Variants in NLRP5 observed in about 807,000 individuals in gnomAD.
NLRP5 encodes NACHT, LRR and PYD domains-containing protein 5.
In NLRP5, 93 loss-of-function variants were observed where a neutral mutation model predicts 113.1. That is an observed-to-expected ratio of 0.82 (90% CI 0.70 to 0.98). NLRP5 has a LOEUF of 0.98. Among genes scored for constraint, NLRP5 ranks in the 50% least tolerant of loss-of-function variants. NLRP5 has a pLI of 0.00. For missense variants in NLRP5, 1,808 were observed against 1,514.3 expected, an observed-to-expected ratio of 1.19 and a Z score of -3.22; for synonymous variants, 751 against 600.7, an observed-to-expected ratio of 1.25 and a Z score of -3.66.
At position 56,027,426 on chromosome 19, in the gene NLRP5, T is replaced by C. The variant is rs761687521; in HGVS notation, c.1193T>C (p.Val398Ala). ...CTCATACGCAGTCTGCTGAGGAAGG[T>C]CCTGCTCCCTGAGTCCTTCCTGATC... is the stretch of plus-strand genomic sequence containing the variant. The change falls in exon 7 of 15, where the codon GTC becomes GCC. Residue 398 changes from valine to alanine, a missense_variant. By Grantham distance (64) the Val-to-Ala change is moderately conservative. Coordinates refer to ENST00000390649, the MANE Select transcript of NLRP5 (RefSeq NM_153447.4). 3 of 1,613,496 alleles carry C rather than the reference T, an allele frequency of 1.9e-6. No homozygotes were observed. The highest frequency in any genetic ancestry group is 8.5e-7 in the Non-Finnish European group (1 of 1,179,716).
the NLRP5 span, among the ~76,000 whole-genome samples, chr19:55,993,258 C>G: frequency 4.6e-5 from 7 of 151,566 alleles, no homozygotes; most frequent in African/African-American, 1.7e-4. Flanking sequence ...TCCCTTCTAG[C>G]TTTTTGAGAG....
At chr19:56,058,629 C>CT (rs1984245685) in intron 14 of NLRP5, among the ~76,000 whole-genome samples, 1 of 152,182 alleles carries the variant, frequency 6.6e-6, no homozygotes, top group African/African-American at 2.4e-5. Flanking sequence ...ATGGAGTTCA[C>CT]TTCTGGGTAG....
At chr19:55,993,847 G>A in the NLRP5 span, among the ~76,000 whole-genome samples, 1 of 151,144 alleles carries the variant, frequency 6.6e-6, no homozygotes, top group African/African-American at 2.4e-5. Context: ...GCTGAAACAT[G>A]TTCCCTTGTG....
chr19:55,991,496 T>G, the NLRP5 span, among the ~76,000 whole-genome samples: 3 of 152,152 alleles, frequency 2.0e-5, no homozygotes, highest in Non-Finnish European at 4.4e-5. Context: ...ATTGAGCCTT[T>G]TATCTAGCAG....
rs1331475566 is a variant in NLRP5 at position 56,024,580 on chromosome 19, T to TACACACAC, written c.680-2330_680-2329insCACACACA. 7.3e-5 allele frequency among the ~76,000 whole-genome samples: 9 copies of TACACACAC among 123,804 alleles called. No homozygotes were observed. The East Asian group carries it at 1.7e-3, about 23-fold the overall frequency. The allele number at this position is 123,804 out of a possible 152,430, so 81.2% of individuals were successfully genotyped here. ...ATATATGTATATATACACATATATA[T>TACACACAC]ACATACACACACACACACACACATG... On this transcript the variant is annotated intron_variant, in intron 6 of 14. Coordinates refer to ENST00000390649, the MANE Select transcript of NLRP5 (RefSeq NM_153447.4).
intron 12 of NLRP5, among the ~76,000 whole-genome samples, chr19:56,052,416 C>T (rs931898045): frequency 6.6e-6 from 1 of 152,022 alleles, no homozygotes; most frequent in African/African-American, 2.4e-5. Flanking sequence ...TTACAGGCAC[C>T]TGCCACCATG....
intron 7 of NLRP5, among the ~76,000 whole-genome samples, chr19:56,028,920 A>G (rs1429129417): frequency 2.0e-5 from 3 of 152,078 alleles, no homozygotes; most frequent in Non-Finnish European, 4.4e-5. Context: ...ATGCACCACC[A>G]TGCCCAGCTA....
the NLRP5 span, among the ~76,000 whole-genome samples, chr19:55,989,174 T>G: frequency 6.6e-6 from 1 of 152,186 alleles, no homozygotes; most frequent in East Asian, 1.9e-4. Flanking sequence ...ATACCTCAAT[T>G]GTTTTGATGA....
At chr19:56,016,256 C>T (rs1041034505) in intron 4 of NLRP5, among the ~76,000 whole-genome samples, 7 of 151,850 alleles carry the variant, frequency 4.6e-5, no homozygotes, top group African/African-American at 1.7e-4. Context: ...CGGGTTCAAG[C>T]GATTATTCTG....
At chr19:56,045,704 G>T (rs1302137198) in intron 11 of NLRP5, among the ~76,000 whole-genome samples, 3 of 152,070 alleles carry the variant, frequency 2.0e-5, no homozygotes, top group Admixed American at 2.0e-4. Context: ...TATCGGTTAG[G>T]GATAAGCAGT....
At chr19:56,022,999 T>C (rs1403079064) in intron 6 of NLRP5, among the ~76,000 whole-genome samples, 2 of 152,216 alleles carry the variant, frequency 1.3e-5, no homozygotes, top group Non-Finnish European at 2.9e-5. Flanking sequence ...GTGCTGGGAT[T>C]ACAGGCGTGA....
chr19:56,026,800 T>A, intron 6 of NLRP5, 113 bp from the exon 7 acceptor site: 1 of 1,115,226 alleles, frequency 9.0e-7, no homozygotes, highest in Non-Finnish European at 1.3e-6. Context: ...GGTCTCAAAC[T>A]CCTGACCTCA....
At chr19:56,046,540 C>G (rs61673854) in intron 11 of NLRP5, among the ~76,000 whole-genome samples, 7,301 of 148,570 alleles carry the variant, frequency 0.049, 279 homozygotes, top group African/African-American at 0.11. Context: ...ATTGGTACCA[C>G]TTCTTGTTTT....
intron 12 of NLRP5, among the ~76,000 whole-genome samples, 187 bp from the exon 13 acceptor site, chr19:56,053,451 C>G (rs142623097): frequency 2.1e-4 from 32 of 152,264 alleles, no homozygotes; most frequent in Admixed American, 1.5e-3. Flanking sequence ...ACACTTTCCC[C>G]GCCTCCGCTA....
At chr19:56,016,983 A>G (rs939634739) in intron 4 of NLRP5, among the ~76,000 whole-genome samples, 1 of 151,930 alleles carries the variant, frequency 6.6e-6, no homozygotes, top group African/African-American at 2.4e-5. Context: ...TAATTTTTGT[A>G]TTTTTAGTGC....
chr19:56,058,955 C>G (rs1415285543), intron 14 of NLRP5, among the ~76,000 whole-genome samples: 1 of 152,076 alleles, frequency 6.6e-6, no homozygotes, highest in African/African-American at 2.4e-5. Context: ...TAAGCCAGTC[C>G]TAAAAAGACA....
intron 9 of NLRP5, among the ~76,000 whole-genome samples, chr19:56,037,480 G>A (rs1038693443): frequency 6.6e-6 from 1 of 152,084 alleles, no homozygotes; most frequent in Admixed American, 6.6e-5. Context: ...GGAGCACAAG[G>A]TCAGGAGTTT....
At chr19:56,039,471 T>G (rs1370394013) in intron 10 of NLRP5, among the ~76,000 whole-genome samples, 1 of 152,098 alleles carries the variant, frequency 6.6e-6, no homozygotes, top group African/African-American at 2.4e-5. Context: ...GAGGGTGACA[T>G]CTGAGCTCTC....
intron 2 of NLRP5, among the ~76,000 whole-genome samples, chr19:56,004,582 T>C (rs1450137682): frequency 6.6e-6 from 1 of 152,168 alleles, no homozygotes; most frequent in Admixed American, 6.6e-5. Context: ...GGCCGTGGGA[T>C]GAAGGACTGA....
Sources: gnomAD v4.1 joint callset for allele counts (sites outside exome capture counted in the v4.1 genomes callset) on GRCh38, gnomAD v4.1.1 for gene constraint, MANE v1.5 for transcripts, NCBI Gene and HGNC (gene_info 2026-07-23, HGNC 2026-07-21) for gene names.